ZC3H12B: variants seen among roughly 807,000 people sequenced by gnomAD.
The protein encoded by ZC3H12B is zinc finger CCCH-type containing 12B, also known as probable ribonuclease ZC3H12B.
ZC3H12B carries 7 observed loss-of-function variants against 43.9 expected under a neutral mutation model. That is an observed-to-expected ratio of 0.16 (90% CI 0.09 to 0.30). ZC3H12B has a LOEUF of 0.30. Ranked by LOEUF, ZC3H12B falls within the 10% of genes least tolerant of loss-of-function variation. The pLI is 1.00. For synonymous variants in ZC3H12B, 222 were observed against 241.7 expected, an observed-to-expected ratio of 0.92 and a Z score of 0.76; for missense variants, 475 against 670.2, an observed-to-expected ratio of 0.71 and a Z score of 3.22.
the ZC3H12B span, among the ~76,000 whole-genome samples, chrX:65,349,660 A>G: frequency 2.0e-4 from 22 of 111,819 alleles, no homozygotes; most frequent in Admixed American, 1.5e-3. Flanking sequence ...CCAATAAAAA[A>G]ATTATAGGGT....
the ZC3H12B span, among the ~76,000 whole-genome samples, chrX:65,222,520 C>G: frequency 3.7e-5 from 4 of 108,374 alleles, no homozygotes; most frequent in Non-Finnish European, 7.7e-5. Flanking sequence ...TTAATGTACA[C>G]AAATCAGTAG....
the ZC3H12B span, among the ~76,000 whole-genome samples, chrX:65,191,481 G>C: frequency 2.7e-4 from 28 of 102,604 alleles, no homozygotes; most frequent in Non-Finnish European, 2.7e-4. Flanking sequence ...TTCAGCTCCT[G>C]TTATTGGTCT....
the ZC3H12B span, among the ~76,000 whole-genome samples, chrX:65,203,159 G>T: frequency 8.9e-6 from 1 of 112,017 alleles, no homozygotes; most frequent in Non-Finnish European, 1.9e-5. Flanking sequence ...CTGCCTCAGG[G>T]CATGCCAGAA....
At chrX:65,475,172 A>T (rs2067975966) in intron 3 of ZC3H12B, among the ~76,000 whole-genome samples, 1 of 112,330 alleles carries the variant, frequency 8.9e-6, no homozygotes, top group Non-Finnish European at 1.9e-5. Context: ...TCCATTAAAA[A>T]TTTTTATCTT....
At chrX:65,097,756 T>A in the ZC3H12B span, among the ~76,000 whole-genome samples, 1 of 111,992 alleles carries the variant, frequency 8.9e-6, no homozygotes, top group Middle Eastern at 4.2e-3. Context: ...TGATAGTGTA[T>A]TTTAAAAAGA....
the ZC3H12B span, among the ~76,000 whole-genome samples, chrX:65,191,714 G>A: frequency 9.3e-6 from 1 of 107,642 alleles, no homozygotes; most frequent in Non-Finnish European, 1.9e-5. Flanking sequence ...AGTCTTGCTA[G>A]CGGTCTATCA....
chrX:65,493,696 G>T (rs1406985040), intron 1 of ZC3H12B, among the ~76,000 whole-genome samples: 1 of 111,574 alleles, frequency 9.0e-6, no homozygotes, highest in African/African-American at 3.3e-5. Context: ...TTGGGAACCT[G>T]GATCATGAGA....
At chrX:65,474,220 G>T (rs1475247517) in intron 3 of ZC3H12B, among the ~76,000 whole-genome samples, 1 of 111,109 alleles carries the variant, frequency 9.0e-6, no homozygotes, top group Non-Finnish European at 1.9e-5. Flanking sequence ...TTACATAGTT[G>T]ACCTTCTTTG....
intron 3 of ZC3H12B, among the ~76,000 whole-genome samples, chrX:65,418,510 G>T (rs1045788627): frequency 2.7e-5 from 3 of 111,588 alleles, no homozygotes; most frequent in African/African-American, 9.8e-5. Context: ...GACCTGGGAT[G>T]GCAGGAACCA....
At chrX:65,365,081 A>G (rs181083551), upstream of ZC3H12B, among the ~76,000 whole-genome samples, 5 of 111,181 alleles carry the variant, frequency 4.5e-5, no homozygotes, top group East Asian at 1.4e-3. Flanking sequence ...TGTTAGTCAA[A>G]TCACCCAAGC....
At chrX:65,288,323 T>A in the ZC3H12B span, among the ~76,000 whole-genome samples, 1 of 110,873 alleles carries the variant, frequency 9.0e-6, no homozygotes, top group Admixed American at 9.7e-5. Context: ...GCAATTACCC[T>A]GAGGCAAAAA....
intron 3 of ZC3H12B, among the ~76,000 whole-genome samples, chrX:65,461,632 CAT>C (rs2067749152): frequency 9.0e-6 from 1 of 111,401 alleles, no homozygotes; most frequent in Non-Finnish European, 1.9e-5. Flanking sequence ...TGTTCTCACT[CAT>C]ATGTGGGAAT....
At chrX:65,158,325 G>C in the ZC3H12B span, among the ~76,000 whole-genome samples, 12 of 111,219 alleles carry the variant, frequency 1.1e-4, no homozygotes, top group African/African-American at 3.6e-4. Context: ...ATTTCTAGTT[G>C]TAGATCCCTG....
chrX:65,036,198 G>T, the ZC3H12B span, among the ~76,000 whole-genome samples: 1 of 111,651 alleles, frequency 9.0e-6, no homozygotes. Flanking sequence ...GATGAATGAG[G>T]TTGTTTTCTT....
chrX:65,117,688 C>T, the ZC3H12B span, among the ~76,000 whole-genome samples: 1 of 111,098 alleles, frequency 9.0e-6, no homozygotes, highest in Non-Finnish European at 1.9e-5. Flanking sequence ...GGTTTTTATG[C>T]TTTTAGGTCT....
the ZC3H12B span, among the ~76,000 whole-genome samples, chrX:65,311,669 A>G: frequency 8.9e-6 from 1 of 111,973 alleles, no homozygotes; most frequent in Non-Finnish European, 1.9e-5. Context: ...ATTATAAATC[A>G]TGCTACTATA....
At chrX:65,348,287 A>T in the ZC3H12B span, among the ~76,000 whole-genome samples, 1 of 111,980 alleles carries the variant, frequency 8.9e-6, no homozygotes, top group African/African-American at 3.2e-5. Flanking sequence ...AAGGAGAAAT[A>T]AAATCTTTTA....
chrX:65,211,199 G>A, the ZC3H12B span, among the ~76,000 whole-genome samples: 1 of 108,714 alleles, frequency 9.2e-6, no homozygotes, highest in African/African-American at 3.4e-5. Context: ...GTAGATTCTG[G>A]ATATTAGCCC....
chrX:65,250,185 TG>T, the ZC3H12B span, among the ~76,000 whole-genome samples: 1 of 109,902 alleles, frequency 9.1e-6, no homozygotes, highest in Non-Finnish European at 1.9e-5. Context: ...GAACATGCAG[TG>T]TTTGGTTTTT....
Sources: gnomAD v4.1 joint callset for allele counts (sites outside exome capture counted in the v4.1 genomes callset) on GRCh38, gnomAD v4.1.1 for gene constraint, MANE v1.5 for transcripts, NCBI Gene and HGNC (gene_info 2026-07-23, HGNC 2026-07-21) for gene names.